The following TYR variants were observed in gnomAD, a reference collection of about 807,000 sequenced individuals.
TYR encodes the protein tyrosinase.
TYR carries 58 observed loss-of-function variants against 51.5 expected under a neutral mutation model. That is an observed-to-expected ratio of 1.13 (90% CI 0.91 to 1.40). The LOEUF (loss-of-function observed/expected upper bound fraction) is 1.40. Among genes scored for constraint, TYR ranks in the 40% most tolerant of loss-of-function variants. TYR has a pLI of 0.00. For missense variants in TYR, 732 were observed against 647.4 expected (o/e 1.13, Z -1.42); for synonymous variants, 263 against 235.2 (o/e 1.12, Z -1.08).
chr11:89,231,360 A>G (rs990724236), intron 3 of TYR, among the ~76,000 whole-genome samples: 1 of 145,576 alleles, frequency 6.9e-6, no homozygotes, highest in Non-Finnish European at 1.5e-5. Context: ...TCATTGCAAC[A>G]TTATTCATAT....
intron 2 of TYR, among the ~76,000 whole-genome samples, chr11:89,209,859 C>T (rs1169911029): frequency 3.9e-5 from 6 of 152,098 alleles, no homozygotes; most frequent in Non-Finnish European, 4.4e-5. Context: ...CTCCAACAGA[C>T]CTGCAGCTCA....
intron 2 of TYR, among the ~76,000 whole-genome samples, chr11:89,213,164 A>C (rs1422971906): frequency 1.3e-5 from 2 of 152,234 alleles, no homozygotes; most frequent in Non-Finnish European, 2.9e-5. Context: ...TTTGCAGATG[A>C]TATGATTGTA....
At chr11:89,237,121 C>T (rs1234892269) in intron 3 of TYR, among the ~76,000 whole-genome samples, 2 of 152,100 alleles carry the variant, frequency 1.3e-5, no homozygotes, top group Non-Finnish European at 2.9e-5. Context: ...TTTCTATGTC[C>T]CTTATTTTGG....
intron 3 of TYR, among the ~76,000 whole-genome samples, chr11:89,241,071 C>G (rs1247533405): frequency 1.3e-5 from 2 of 152,106 alleles, no homozygotes; most frequent in African/African-American, 4.8e-5. Flanking sequence ...AAACTAAAGA[C>G]AAGGGTATCT....
intron 1 of TYR, among the ~76,000 whole-genome samples, chr11:89,187,458 T>C (rs1943389056): frequency 6.6e-6 from 1 of 152,080 alleles, no homozygotes; most frequent in Admixed American, 6.6e-5. Flanking sequence ...GCAGGGATAA[T>C]TGGATTTTAT....
At position 89,177,973 on chromosome 11, in the gene TYR, A is replaced by G; in HGVS notation, c.20A>G (p.Tyr7Cys). MLLAVL[Y>C]CLLWSFQTSA... ...GGAAGAATGCTCCTGGCTGTTTTGT[A>G]CTGCCTGCTGTGGAGTTTCCAGACC... is the stretch of plus-strand genomic sequence containing the variant. The change falls in exon 1 of 5, where the codon TAC (tyrosine) becomes TGC (cysteine). Residue 7 changes from tyrosine to cysteine, a missense_variant. Physicochemically the swap from Tyr to Cys is radical, Grantham distance 194 (BLOSUM62 -2). Coordinates refer to ENST00000263321, the MANE Select transcript of TYR (RefSeq NM_000372.5). The G allele has an allele frequency of 3.7e-6, 6 of 1,614,174 alleles. No homozygotes were observed. Among genetic ancestry groups the G allele is most frequent in the Non-Finnish European group, 5.1e-6 (6 of 1,180,034 alleles).
intron 2 of TYR, among the ~76,000 whole-genome samples, chr11:89,216,991 T>C (rs1353488593): frequency 1.3e-5 from 2 of 152,168 alleles, no homozygotes; most frequent in Non-Finnish European, 2.9e-5. Context: ...AGATTATTAT[T>C]AGGAAAAAGA....
intron 1 of TYR, 140 bp downstream of exon 1, chr11:89,178,912 A>T (rs1292353496): frequency 1.4e-5 from 11 of 806,590 alleles, no homozygotes; most frequent in Non-Finnish European, 2.3e-5. Context: ...AAGAACTCTC[A>T]ATGTATCTTG....
At chr11:89,186,899 T>C (rs1943381080) in intron 1 of TYR, among the ~76,000 whole-genome samples, 1 of 152,192 alleles carries the variant, frequency 6.6e-6, no homozygotes, top group Non-Finnish European at 1.5e-5. Context: ...TCTTTGTGTA[T>C]GCGTAGAGAA....
At chr11:89,282,206 A>T (rs917106117) in intron 3 of TYR, among the ~76,000 whole-genome samples, 1 of 151,788 alleles carries the variant, frequency 6.6e-6, no homozygotes, top group African/African-American at 2.4e-5. Context: ...ATTATTTATA[A>T]ATTGAACTAT....
intron 1 of TYR, among the ~76,000 whole-genome samples, chr11:89,186,042 G>A (rs545666653): frequency 1.3e-5 from 2 of 152,208 alleles, no homozygotes; most frequent in Admixed American, 6.5e-5. Context: ...TGGCCTTAAA[G>A]AATGGGTAGG....
chr11:89,275,320 T>C (rs1309737097), intron 3 of TYR, among the ~76,000 whole-genome samples: 1 of 151,998 alleles, frequency 6.6e-6, no homozygotes, highest in East Asian at 1.9e-4. Context: ...TGTCCACCTT[T>C]CTGTTTTAAT....
At chr11:89,237,451 A>G (rs1944132332) in intron 3 of TYR, among the ~76,000 whole-genome samples, 1 of 152,128 alleles carries the variant, frequency 6.6e-6, no homozygotes, top group Admixed American at 6.6e-5. Flanking sequence ...CAATATATTG[A>G]TGAGCCTATC....
chr11:89,206,343 TATATTA>T (rs1943672228), intron 2 of TYR, among the ~76,000 whole-genome samples: 1 of 152,138 alleles, frequency 6.6e-6, no homozygotes, highest in East Asian at 1.9e-4. Flanking sequence ...TTAAAGTGGC[TATATTA>T]ATATCTAATA....
At chr11:89,283,452 C>T (rs146005071) in intron 3 of TYR, among the ~76,000 whole-genome samples, 1 of 151,924 alleles carries the variant, frequency 6.6e-6, no homozygotes, top group East Asian at 1.9e-4. Context: ...CTACCATGTA[C>T]CAACCTTTGA....
chr11:89,189,532 T>A (rs1943415566), intron 1 of TYR, among the ~76,000 whole-genome samples: 1 of 152,006 alleles, frequency 6.6e-6, no homozygotes, highest in Non-Finnish European at 1.5e-5. Context: ...ATTCTGAATA[T>A]AATATAGATT....
chr11:89,185,394 C>G (rs937367565), intron 1 of TYR, among the ~76,000 whole-genome samples: 1 of 152,074 alleles, frequency 6.6e-6, no homozygotes, highest in Non-Finnish European at 1.5e-5. Context: ...TCAACACATA[C>G]TTTTTGTAGG....
chr11:89,279,554 T>C lies in TYR; in HGVS notation c.1185-5219T>C, dbSNP rs144242031. ...TAAAATAAACAATTTTCCCTGGGTC[T>C]TTGGCTCTTCTTTTCTGAAGTCTCC... On this transcript the variant is annotated intron_variant, in intron 3 of 4. Coordinates refer to ENST00000263321, the MANE Select transcript of TYR (RefSeq NM_000372.5). Among the ~76,000 whole-genome samples the C allele has an allele frequency of 1.1e-3, 160 of 151,880 alleles. 1 individual carries two copies. The highest frequency in any genetic ancestry group is 3.7e-3 in the African/African-American group (153 of 41,502).
rs190226734 is a variant in TYR, at chr11:89,274,431, G to A, written c.1185-10342G>A. Among the ~76,000 whole-genome samples the A allele has an allele frequency of 5.6e-3, 850 of 151,880 alleles. 7 individuals are homozygous for A. Among genetic ancestry groups the A allele is most frequent in the Non-Finnish European group, 8.7e-3 (589 of 67,860 alleles). ...AAATACTTAAAATGTCTTTTCTAAG[G>A]AAATTAAATTGGCTCCTATATTAAG... is the stretch of plus-strand genomic sequence containing the variant. On this transcript the variant is annotated intron_variant, in intron 3 of 4. Transcript: ENST00000263321.
Sources: allele counts gnomAD v4.1 joint callset (sites outside exome capture counted in the v4.1 genomes callset), GRCh38; gene constraint gnomAD v4.1.1; transcripts MANE v1.5; gene names NCBI Gene and HGNC (gene_info 2026-07-23, HGNC 2026-07-21).